SHROOM3: variants seen among roughly 807,000 people sequenced by gnomAD.
SHROOM3 encodes the protein shroom family member 3.
SHROOM3 carries 47 observed loss-of-function variants against 138.6 expected under a neutral mutation model. The observed-to-expected ratio is 0.34, with a 90% CI of 0.27 to 0.43. The LOEUF is 0.43. SHROOM3 is among the 20% of genes least tolerant of loss of function. The pLI is 1.00. For missense variants in SHROOM3, 2,491 were observed against 2,596.5 expected, an observed-to-expected ratio of 0.96 and a Z score of 0.88; for synonymous variants, 1,062 against 1,063.3, an observed-to-expected ratio of 1.00 and a Z score of 0.02.
chr4:76,704,593 G>A (rs1389663379), intron 2 of SHROOM3, among the ~76,000 whole-genome samples: 2 of 152,238 alleles, frequency 1.3e-5, no homozygotes, highest in Non-Finnish European at 2.9e-5. Context: ...ACCTAAGGAA[G>A]GCCAGTGAGG....
chr4:76,600,954 G>A lies in SHROOM3; in HGVS notation c.323+45191G>A, dbSNP rs546269752. On this transcript the variant is annotated intron_variant, in intron 2 of 10. Coordinates refer to ENST00000296043, the MANE Select transcript of SHROOM3 (RefSeq NM_020859.4). ...AAAATCAAACAGAATCAGGGACTAGGAAAAGTGGAAAGTCTGTATTTTTAT... is the reference window on the plus strand; with the variant it reads ...AAAATCAAACAGAATCAGGGACTAGAAAAAGTGGAAAGTCTGTATTTTTAT... 5.3e-5 allele frequency among the ~76,000 whole-genome samples: 8 copies of A among 152,292 alleles called. No homozygotes were observed. The East Asian group carries it at 1.5e-3, about 29-fold the overall frequency.
At chr4:76,534,716 A>G (rs1732912890) in intron 1 of SHROOM3, among the ~76,000 whole-genome samples, 3 of 152,038 alleles carry the variant, frequency 2.0e-5, no homozygotes, top group Admixed American at 2.0e-4. Flanking sequence ...AGAGAAATGC[A>G]ATCTCTGATG....
intron 2 of SHROOM3, chr4:76,586,124 G>A (rs1322969375): frequency 4.5e-6 from 2 of 447,710 alleles, no homozygotes; most frequent in Non-Finnish European, 5.9e-6. Context: ...GGTTCTGGCC[G>A]AGTGGACTTC....
chr4:76,472,827 T>C (rs1240973850), intron 1 of SHROOM3, among the ~76,000 whole-genome samples: 1 of 152,094 alleles, frequency 6.6e-6, no homozygotes, highest in East Asian at 1.9e-4. Flanking sequence ...CCCAAGTAGC[T>C]GGGACTACAG....
intron 2 of SHROOM3, among the ~76,000 whole-genome samples, chr4:76,561,898 C>A (rs1177082721): frequency 4.6e-5 from 7 of 151,992 alleles, no homozygotes; most frequent in Non-Finnish European, 8.8e-5. Context: ...GTAATCCCAG[C>A]TACTCGGGAG....
intron 2 of SHROOM3, among the ~76,000 whole-genome samples, chr4:76,612,574 T>C (rs998944120): frequency 6.6e-6 from 1 of 152,184 alleles, no homozygotes; most frequent in Non-Finnish European, 1.5e-5. Flanking sequence ...TATTAAACTT[T>C]CTATACTGAA....
rs116113382 is a variant in SHROOM3, at chr4:76,536,494, G to A, written c.169-19115G>A. Among the ~76,000 whole-genome samples, 804 of 152,280 alleles carry A rather than the reference G, an allele frequency of 5.3e-3. 9 individuals are homozygous for A. The highest frequency in any genetic ancestry group is 0.018 in the African/African-American group (747 of 41,552). On this transcript the variant is annotated intron_variant, in intron 1 of 10. Coordinates refer to ENST00000296043, the MANE Select transcript of SHROOM3 (RefSeq NM_020859.4). Reference sequence around the variant, plus strand: ...AAATAGGAGGCTGGAAATCTGTGACGTAGTGGACCAAGGTTAGGTTTTAAA... The same window carrying A: ...AAATAGGAGGCTGGAAATCTGTGACATAGTGGACCAAGGTTAGGTTTTAAA...
chr4:76,670,420 T>A (rs1718844198), intron 2 of SHROOM3, among the ~76,000 whole-genome samples: 1 of 152,108 alleles, frequency 6.6e-6, no homozygotes, highest in Non-Finnish European at 1.5e-5. Flanking sequence ...AGATCAGTGA[T>A]GCCTGGGTTA....
chr4:76,486,571 T>A (rs912178300), intron 1 of SHROOM3, among the ~76,000 whole-genome samples: 1 of 152,136 alleles, frequency 6.6e-6, no homozygotes, highest in African/African-American at 2.4e-5. Context: ...GGGAACTGTT[T>A]GTTTGATGGT....
chr4:76,759,366 G>C (rs1161034231), intron 8 of SHROOM3, among the ~76,000 whole-genome samples, 179 bp from the exon 9 acceptor site: 1 of 152,164 alleles, frequency 6.6e-6, no homozygotes, highest in African/African-American at 2.4e-5. Flanking sequence ...AAGTTTGCCT[G>C]GCTTCAACAG....
At chr4:76,518,396 A>C (rs1327511887) in intron 1 of SHROOM3, among the ~76,000 whole-genome samples, 1 of 152,164 alleles carries the variant, frequency 6.6e-6, no homozygotes, top group Non-Finnish European at 1.5e-5. Context: ...TGTCTTTGAA[A>C]GACAGAGGCA....
intron 4 of SHROOM3, among the ~76,000 whole-genome samples, chr4:76,736,839 C>T (rs908725251): frequency 6.6e-6 from 1 of 152,034 alleles, no homozygotes; most frequent in Non-Finnish European, 1.5e-5. Context: ...AGTCCCTGTC[C>T]CCATACATGC....
In SHROOM3 at chr4:76,754,949, T is replaced by C. The variant is rs1560616009; in HGVS notation, c.4466T>C (p.Ile1489Thr). 6.2e-7 allele frequency: 1 copy of C among 1,614,190 alleles called. No homozygotes were observed. The highest frequency in any genetic ancestry group is 1.7e-5 in the Admixed American group (1 of 60,030). ...PSTPGRISLR[I>T]SESVLRDSPP... is the part of the protein sequence containing the mutation. ...ACTCCAGGGAGGATCTCCCTCCGAATATCTGAGTCTGTCCTGCGGGACTCC... is the reference window on the plus strand; with the variant it reads ...ACTCCAGGGAGGATCTCCCTCCGAACATCTGAGTCTGTCCTGCGGGACTCC... Residue 1489 changes from isoleucine (I) to threonine (T), a missense_variant, in exon 7 of 11, where the codon ATA becomes ACA. Ile to Thr is a moderately conservative substitution (Grantham distance 89). This residue lies in a region of SHROOM3 where 1,733 missense variants were observed against 1,661.6 expected (regional missense o/e 1.04). Transcript: ENST00000296043.
chr4:76,534,695 T>A (rs1732912542), intron 1 of SHROOM3, among the ~76,000 whole-genome samples: 1 of 152,140 alleles, frequency 6.6e-6, no homozygotes, highest in African/African-American at 2.4e-5. Context: ...CAGTTTCTCA[T>A]CATGATCACA....
chr4:76,755,291 G>A lies in SHROOM3; in HGVS notation c.4709+99G>A. 2.8e-6 allele frequency: 4 copies of A among 1,408,342 alleles called. No individual in the cohort carries two copies. In the South Asian group the frequency reaches 3.7e-5, roughly 13 times the overall value. 87.2% of individuals were successfully genotyped at this position (1,408,342 alleles called of 1,614,324 possible). A position where few individuals can be genotyped will look rare whatever the true frequency, so the allele number is the denominator to read the frequency against. On this transcript the variant is annotated intron_variant, in intron 7 of 10. Coordinates refer to ENST00000296043, the MANE Select transcript of SHROOM3 (RefSeq NM_020859.4). ...GCTGGCCACAGAAGAACCCTGGCAT[G>A]GAGATGTTTCTATACAGCTCAGCTC...
chr4:76,507,655 G>A (rs748978088), intron 1 of SHROOM3, among the ~76,000 whole-genome samples: 10 of 151,162 alleles, frequency 6.6e-5, no homozygotes, highest in Non-Finnish European at 1.0e-4. Context: ...TCCTGCCTCA[G>A]CCCCTCCCGA....
intron 2 of SHROOM3, among the ~76,000 whole-genome samples, chr4:76,583,349 T>C (rs1345871006): frequency 6.6e-6 from 1 of 152,182 alleles, no homozygotes; most frequent in Non-Finnish European, 1.5e-5. Context: ...TGCTCTATGC[T>C]CTCACCTCAG....
intron 2 of SHROOM3, among the ~76,000 whole-genome samples, chr4:76,567,737 G>A (rs1733756442): frequency 6.6e-6 from 1 of 152,098 alleles, no homozygotes; most frequent in African/African-American, 2.4e-5. Flanking sequence ...TTTTTTGATT[G>A]TAAATAAGTA....
intron 1 of SHROOM3, among the ~76,000 whole-genome samples, chr4:76,552,109 C>T (rs1020461579): frequency 2.7e-5 from 4 of 150,338 alleles, no homozygotes; most frequent in African/African-American, 9.7e-5. Flanking sequence ...GATCCGCCCG[C>T]CTCGGCCCCC....
Sources: allele counts gnomAD v4.1 joint callset (sites outside exome capture counted in the v4.1 genomes callset), GRCh38; gene constraint gnomAD v4.1.1; regional missense constraint gnomAD v4.1.1; transcripts MANE v1.5; gene names NCBI Gene and HGNC (gene_info 2026-07-23, HGNC 2026-07-21).